Variants in RAD51B observed in about 807,000 individuals in gnomAD.
The protein encoded by RAD51B is RAD51 paralog B.
In RAD51B, 38 loss-of-function variants were observed where a neutral mutation model predicts 42.2. That is an observed-to-expected ratio of 0.90 (90% CI 0.70 to 1.18). The LOEUF is 1.18. Ranked by LOEUF, RAD51B falls within the 50% of genes most tolerant of loss-of-function variation. The probability of loss-of-function intolerance (pLI) is 0.00; values close to 1 mark genes in which losing one functional copy is unlikely to be tolerated. For missense variants in RAD51B, 373 were observed against 400.7 expected (o/e 0.93, Z 0.59); for synonymous variants, 154 against 145.2 (o/e 1.06, Z -0.43).
intron 10 of RAD51B, among the ~76,000 whole-genome samples, chr14:68,488,690 G>A (rs1160843128): frequency 6.6e-6 from 1 of 152,116 alleles, no homozygotes; most frequent in Non-Finnish European, 1.5e-5. Flanking sequence ...CTGCTCTTTG[G>A]CTACACATTA....
intron 7 of RAD51B, among the ~76,000 whole-genome samples, chr14:68,106,650 T>C (rs2077381407): frequency 6.6e-6 from 1 of 151,984 alleles, no homozygotes; most frequent in South Asian, 2.1e-4. Context: ...GGTAGCACTG[T>C]GATTCAGCTT....
chr14:67,986,084 C>T (rs1329543352), intron 7 of RAD51B, among the ~76,000 whole-genome samples: 2 of 152,144 alleles, frequency 1.3e-5, no homozygotes, highest in Non-Finnish European at 1.5e-5. Context: ...TGTGCACGTA[C>T]GTGCTATGGT....
intron 7 of RAD51B, among the ~76,000 whole-genome samples, chr14:68,188,838 G>A (rs1277135919): frequency 2.0e-5 from 3 of 152,122 alleles, no homozygotes; most frequent in East Asian, 1.9e-4. Context: ...AGCCATGTAT[G>A]TGCTTCAGAC....
chr14:68,035,363 A>T (rs946608228), intron 7 of RAD51B, among the ~76,000 whole-genome samples: 2 of 149,108 alleles, frequency 1.3e-5, no homozygotes, highest in African/African-American at 5.2e-5. Flanking sequence ...TATCTTTATA[A>T]AGTGAAGAAT....
Position 68,563,120 on chromosome 14 carries a change from G to A in RAD51B, c.1037-31365G>A, listed in dbSNP as rs563739960. ...CCTTGTTGACTCTGCCGGGTTCAGA[G>A]AGGGCTTCACATTTGACTTGGCGAA... On this transcript the variant is annotated intron_variant, in intron 10 of 10. Transcript: ENST00000487270. 22 of 985,458 alleles carry A rather than the reference G, an allele frequency of 2.2e-5. 1 individual carries two copies. The highest frequency in any genetic ancestry group is 2.1e-4 in the African/African-American group (12 of 57,360). The allele number at this position is 985,458 out of a possible 1,614,324, so 61.0% of individuals were successfully genotyped here.
At chr14:68,298,527 A>G (rs908247741) in intron 8 of RAD51B, among the ~76,000 whole-genome samples, 4 of 152,216 alleles carry the variant, frequency 2.6e-5, no homozygotes, top group Admixed American at 1.3e-4. Context: ...GCTAGCTTTA[A>G]AAGTAGTTTC....
intron 10 of RAD51B, among the ~76,000 whole-genome samples, chr14:68,550,384 C>A (rs150611840): frequency 4.6e-5 from 7 of 152,296 alleles, no homozygotes; most frequent in South Asian, 4.2e-4. Flanking sequence ...TGCAGCGAAA[C>A]GTCATTGGTT....
At chr14:68,377,120 T>C (rs2083386461) in intron 8 of RAD51B, among the ~76,000 whole-genome samples, 1 of 152,220 alleles carries the variant, frequency 6.6e-6, no homozygotes, top group South Asian at 2.1e-4. Flanking sequence ...AGATGGGATA[T>C]GAAACTAGAG....
At chr14:67,955,710 G>C (rs2074534123) in intron 7 of RAD51B, among the ~76,000 whole-genome samples, 1 of 152,190 alleles carries the variant, frequency 6.6e-6, no homozygotes, top group Admixed American at 6.5e-5. Context: ...AAAATTAATT[G>C]TATTTAATGA....
chr14:68,620,214 T>C (rs765575951), intron 10 of RAD51B, among the ~76,000 whole-genome samples: 1 of 152,184 alleles, frequency 6.6e-6, no homozygotes. Context: ...TTAAAGGCAA[T>C]ACAGGCTTAC....
At chr14:67,979,211 A>G (rs1199883470) in intron 7 of RAD51B, among the ~76,000 whole-genome samples, 3 of 152,194 alleles carry the variant, frequency 2.0e-5, no homozygotes, top group African/African-American at 4.8e-5. Flanking sequence ...TTGCCCCACA[A>G]AAGTAAATTT....
chr14:68,229,353 G>T (rs1370778708), intron 7 of RAD51B, among the ~76,000 whole-genome samples: 1 of 152,166 alleles, frequency 6.6e-6, no homozygotes, highest in Admixed American at 6.5e-5. Context: ...TTGGCAATTA[G>T]ATTTTCTTAT....
At chr14:68,169,773 G>T (rs1485140088) in intron 7 of RAD51B, among the ~76,000 whole-genome samples, 1 of 152,104 alleles carries the variant, frequency 6.6e-6, no homozygotes, top group African/African-American at 2.4e-5. Flanking sequence ...GATCTGATGG[G>T]CGTATTTTGA....
chr14:68,276,375 T>G (rs2081224939), intron 7 of RAD51B, among the ~76,000 whole-genome samples: 1 of 152,220 alleles, frequency 6.6e-6, no homozygotes, highest in South Asian at 2.1e-4. Flanking sequence ...ATGGATTACT[T>G]GCTACATTTC....
intron 10 of RAD51B, among the ~76,000 whole-genome samples, chr14:68,619,959 C>T (rs1319035140): frequency 6.6e-6 from 1 of 152,078 alleles, no homozygotes; most frequent in Non-Finnish European, 1.5e-5. Context: ...TGATCCTTGC[C>T]CCAAATATAA....
At chr14:68,563,971 A>G (rs1412112256) in intron 10 of RAD51B, 1 of 942,478 alleles carries the variant, frequency 1.1e-6, no homozygotes, top group African/African-American at 1.8e-5. Context: ...CCCCACACAT[A>G]CACACCCTTT....
At chr14:67,834,860 A>G (rs531162559) in intron 3 of RAD51B, among the ~76,000 whole-genome samples, 4 of 152,284 alleles carry the variant, frequency 2.6e-5, no homozygotes, top group East Asian at 1.9e-4. Flanking sequence ...GGTTGACTTC[A>G]TAAGACTGTG....
chr14:68,630,490 G>A (rs1166133265), intron 10 of RAD51B, among the ~76,000 whole-genome samples: 2 of 152,046 alleles, frequency 1.3e-5, no homozygotes, highest in South Asian at 2.1e-4. Context: ...TAGCATGGCC[G>A]TCCCTACCCC....
At chr14:68,055,478 A>G (rs779866719) in intron 7 of RAD51B, among the ~76,000 whole-genome samples, 2 of 152,212 alleles carry the variant, frequency 1.3e-5, no homozygotes, top group Non-Finnish European at 2.9e-5. Flanking sequence ...AAATGAGAGC[A>G]ATCATGTGAT....
Sources: allele counts gnomAD v4.1 joint callset (sites outside exome capture counted in the v4.1 genomes callset), GRCh38; gene constraint gnomAD v4.1.1; transcripts MANE v1.5; gene names NCBI Gene and HGNC (gene_info 2026-07-23, HGNC 2026-07-21).